The following TNFRSF21 variants were observed in gnomAD, a reference collection of about 807,000 sequenced individuals.
The protein encoded by TNFRSF21 is tumor necrosis factor receptor superfamily member 21.
In TNFRSF21, 19 loss-of-function variants were observed where a neutral mutation model predicts 45.6. The observed-to-expected ratio is 0.42, with a 90% CI of 0.29 to 0.61. The LOEUF (loss-of-function observed/expected upper bound fraction) is 0.61. TNFRSF21 is among the 20% of genes least tolerant of loss of function. The pLI, the probability that TNFRSF21 is intolerant of heterozygous loss-of-function variation, is 0.23. For synonymous variants in TNFRSF21, 314 were observed against 335.5 expected (o/e 0.94, Z 0.70); for missense variants, 737 against 851.5 (o/e 0.87, Z 1.67).
At position 47,233,760 on chromosome 6, in the gene TNFRSF21, G is replaced by A. The variant is rs988337834; in HGVS notation, c.1739-766C>T. ...TGTAAATATAACATTTTATAAATAC[G>A]TAAAATATCAAATATAACCCTTTCA... On this transcript the variant is annotated intron_variant, in intron 5 of 5. Transcript: ENST00000296861. Among the ~76,000 whole-genome samples, 5 of 151,154 alleles carry A rather than the reference G, an allele frequency of 3.3e-5. No individual in the cohort carries two copies. The East Asian group carries it at 5.8e-4, about 18-fold the overall frequency.
intron 3 of TNFRSF21, among the ~76,000 whole-genome samples, chr6:47,282,044 G>A (rs551598997): frequency 1.8e-4 from 28 of 152,036 alleles, no homozygotes; most frequent in South Asian, 1.0e-3. Context: ...AAGAAGAATC[G>A]TCTTGGGCCA....
intron 3 of TNFRSF21, among the ~76,000 whole-genome samples, chr6:47,273,243 A>T (rs573149069): frequency 2.6e-5 from 4 of 152,218 alleles, no homozygotes; most frequent in African/African-American, 9.7e-5. Flanking sequence ...ATCCCTGATG[A>T]ACATCAATGG....
chr6:47,254,504 C>A (rs1764952180), intron 3 of TNFRSF21, among the ~76,000 whole-genome samples: 1 of 152,180 alleles, frequency 6.6e-6, no homozygotes, highest in African/African-American at 2.4e-5. Context: ...AGGCTCCCAT[C>A]TAAAAACATG....
At chr6:47,281,170 C>T (rs770249913) in intron 3 of TNFRSF21, among the ~76,000 whole-genome samples, 1 of 152,022 alleles carries the variant, frequency 6.6e-6, no homozygotes, top group Admixed American at 6.5e-5. Flanking sequence ...AGGTTGAAAA[C>T]TGTAGTATGT....
rs539396614 is a variant in TNFRSF21, at chr6:47,272,601, A to C, written c.1243+11337T>G. Among the ~76,000 whole-genome samples, 6 of 152,352 alleles carry C rather than the reference A, an allele frequency of 3.9e-5. No individual in the cohort carries two copies. In the South Asian group the frequency reaches 1.0e-3, roughly 26 times the overall value. ...ATCAACACCCTAACATCACAATTAA[A>C]AGAACTAGAGAAGCAAGAGCAAACA... On this transcript the variant is annotated intron_variant, in intron 3 of 5. Coordinates refer to ENST00000296861, the MANE Select transcript of TNFRSF21 (RefSeq NM_014452.5).
intron 1 of TNFRSF21, among the ~76,000 whole-genome samples, chr6:47,298,138 A>G (rs1409160215): frequency 1.3e-5 from 2 of 152,108 alleles, no homozygotes; most frequent in Non-Finnish European, 2.9e-5. Flanking sequence ...TCCCACAGTG[A>G]GTTTCCCTGA....
At chr6:47,301,240 A>G (rs566980759) in intron 1 of TNFRSF21, among the ~76,000 whole-genome samples, 1 of 152,338 alleles carries the variant, frequency 6.6e-6, no homozygotes, top group East Asian at 1.9e-4. Flanking sequence ...CTCATTAATC[A>G]TTTATTCCTT....
In TNFRSF21 at chr6:47,232,771, C is replaced by T. The variant is rs183089604; in HGVS notation, c.1962G>A (p.Leu654=). ...AATGCAGTATCCCTATGTTCTACAGCAGGTCAGGAAGATGGCTATAAACAG... is the reference window on the plus strand; with the variant it reads ...AATGCAGTATCCCTATGTTCTACAGTAGGTCAGGAAGATGGCTATAAACAG... ...LDSVYSHLPD[L]L is the part of the protein sequence containing the mutation. The change falls in exon 6 of 6, where the codon CTG becomes CTA. Residue 654 remains leucine, a synonymous_variant. Coordinates refer to ENST00000296861, the MANE Select transcript of TNFRSF21 (RefSeq NM_014452.5). 2.2e-5 allele frequency: 35 copies of T among 1,613,950 alleles called. No individual in the cohort carries two copies. In the East Asian group the frequency reaches 7.1e-4, roughly 33 times the overall value.
intron 4 of TNFRSF21, among the ~76,000 whole-genome samples, chr6:47,247,763 G>A (rs1764844002): frequency 1.3e-5 from 2 of 151,542 alleles, no homozygotes; most frequent in Non-Finnish European, 1.5e-5. Context: ...TACTATAGTA[G>A]AGAGAGAGAG....
intron 3 of TNFRSF21, among the ~76,000 whole-genome samples, chr6:47,279,133 C>T (rs574181493): frequency 6.6e-6 from 1 of 152,212 alleles, no homozygotes; most frequent in Non-Finnish European, 1.5e-5. Flanking sequence ...GCAATTCCTA[C>T]TCCTCACCTG....
At chr6:47,283,822 G>A in intron 3 of TNFRSF21, 116 bp downstream of exon 3, 2 of 1,323,026 alleles carry the variant, frequency 1.5e-6, no homozygotes, top group South Asian at 1.5e-5. Context: ...ATCAAGTAGT[G>A]TTTGGTCTAC....
At position 47,271,374 on chromosome 6, in the gene TNFRSF21, A is replaced by G. The variant is rs7741488; in HGVS notation, c.1243+12564T>C. On this transcript the variant is annotated intron_variant, in intron 3 of 5. Transcript: ENST00000296861. ...GGGACAATATTTAACATTCTTAAAG[A>G]AAATAATTTTCAATCCAGAATATCA... Among the ~76,000 whole-genome samples the G allele has an allele frequency of 8.8e-3, 1,346 of 152,308 alleles. 23 individuals are homozygous for G. The highest frequency in any genetic ancestry group is 0.031 in the African/African-American group (1,272 of 41,554).
At chr6:47,248,809 T>C (rs752220948) in intron 4 of TNFRSF21, among the ~76,000 whole-genome samples, 4 of 152,238 alleles carry the variant, frequency 2.6e-5, no homozygotes, top group Non-Finnish European at 1.5e-5. Flanking sequence ...ATTATGTGTA[T>C]GAGTTTTAGC....
chr6:47,306,214 A>G (rs1056337377), intron 1 of TNFRSF21, among the ~76,000 whole-genome samples: 2 of 152,230 alleles, frequency 1.3e-5, no homozygotes, highest in African/African-American at 2.4e-5. Flanking sequence ...CACTCATCAG[A>G]AATAGAAGTG....
Position 47,232,624 on chromosome 6 carries a change from AACACACACACACACAC to A in TNFRSF21, c.*125_*140del. On this transcript the variant is annotated 3_prime_UTR_variant, in exon 6 of 6. Coordinates refer to ENST00000296861, the MANE Select transcript of TNFRSF21 (RefSeq NM_014452.5). ...CAAGCACTGGCCATATTCTCTGTTA[AACACACACACACACAC>A]ACACACACACACACACACAAACACA... The A allele has an allele frequency of 7.1e-6, 4 of 563,298 alleles. No individual in the cohort carries two copies. The East Asian group carries it at 8.9e-5, about 12-fold the overall frequency. 34.9% of individuals were successfully genotyped at this position (563,298 alleles called of 1,614,324 possible). A position where few individuals can be genotyped will look rare whatever the true frequency, so the allele number is the denominator to read the frequency against.
intron 3 of TNFRSF21, among the ~76,000 whole-genome samples, chr6:47,281,177 A>T (rs1178752830): frequency 1.3e-5 from 2 of 152,146 alleles, no homozygotes; most frequent in African/African-American, 4.8e-5. Context: ...AAACTGTAGT[A>T]TGTTTTCTGA....
intron 3 of TNFRSF21, among the ~76,000 whole-genome samples, chr6:47,265,682 T>C (rs1463617874): frequency 6.6e-6 from 1 of 152,208 alleles, no homozygotes; most frequent in African/African-American, 2.4e-5. Flanking sequence ...TCAGGAAGCA[T>C]ATCAATCTTT....
Position 47,289,453 on chromosome 6 carries a change from C to T in TNFRSF21, c.97-2858G>A, listed in dbSNP as rs570227954. ...ATGAGGGTATATTCATTTTTTCTGT[C>T]GAGACCCTCCCCCAACAAAAAAAGG... On this transcript the variant is annotated intron_variant, in intron 1 of 5. Coordinates refer to ENST00000296861, the MANE Select transcript of TNFRSF21 (RefSeq NM_014452.5). Among the ~76,000 whole-genome samples, 18 of 152,110 alleles carry T rather than the reference C, an allele frequency of 1.2e-4. No individual in the cohort carries two copies. In the East Asian group the frequency reaches 3.1e-3, roughly 26 times the overall value.
chr6:47,306,083 A>G (rs182461475), intron 1 of TNFRSF21, among the ~76,000 whole-genome samples: 3 of 152,294 alleles, frequency 2.0e-5, no homozygotes, highest in Non-Finnish European at 2.9e-5. Flanking sequence ...ACAAAGCACA[A>G]TCATGCACAC....
Sources: gnomAD v4.1 joint callset for allele counts (sites outside exome capture counted in the v4.1 genomes callset) on GRCh38, gnomAD v4.1.1 for gene constraint, MANE v1.5 for transcripts, NCBI Gene and HGNC (gene_info 2026-07-23, HGNC 2026-07-21) for gene names.